The following ENOX2 variants were observed in gnomAD, a reference collection of about 807,000 sequenced individuals.
The protein encoded by ENOX2 is APK1 antigen.
A neutral mutation model predicts 45.0 loss-of-function variants in ENOX2; 36 were observed. The observed-to-expected ratio is 0.80, with a 90% CI of 0.61 to 1.06. ENOX2 has a LOEUF of 1.06. ENOX2 is among the 50% of genes least tolerant of loss of function. ENOX2 has a pLI of 0.00. For missense variants in ENOX2, 423 were observed against 462.5 expected, an observed-to-expected ratio of 0.91 and a Z score of 0.78; for synonymous variants, 174 against 152.3, an observed-to-expected ratio of 1.14 and a Z score of -1.05.
intron 3 of ENOX2, chrX:130,709,093 C>T (rs2038113313): frequency 2.3e-6 from 1 of 426,477 alleles, no homozygotes; most frequent in Admixed American, 4.0e-5. Flanking sequence ...ATGTAGCAGC[C>T]ATATTTGTTA....
intron 2 of ENOX2, among the ~76,000 whole-genome samples, chrX:130,818,637 A>T (rs1387661451): frequency 8.9e-6 from 1 of 111,920 alleles, no homozygotes; most frequent in Non-Finnish European, 1.9e-5. Context: ...TGACAAAAAC[A>T]AGCAATGGGG....
chrX:130,776,420 T>A (rs150710512), intron 3 of ENOX2, among the ~76,000 whole-genome samples: 108 of 110,995 alleles, frequency 9.7e-4, no homozygotes, highest in African/African-American at 3.2e-3. Context: ...CATGGCTTGA[T>A]GCTGTCCTTG....
At chrX:130,890,766 T>C (rs2078972335) in intron 2 of ENOX2, among the ~76,000 whole-genome samples, 1 of 112,742 alleles carries the variant, frequency 8.9e-6, no homozygotes, top group Non-Finnish European at 1.9e-5. Context: ...AACCACAGAA[T>C]GAACACTGGA....
chrX:130,777,885 T>C (rs1027443185), intron 3 of ENOX2, among the ~76,000 whole-genome samples: 3 of 112,128 alleles, frequency 2.7e-5, no homozygotes, highest in African/African-American at 9.7e-5. Context: ...TGTAATCAGA[T>C]GAAAATGTCC....
At chrX:130,697,726 C>A (rs1188161192) in intron 4 of ENOX2, among the ~76,000 whole-genome samples, 1 of 111,942 alleles carries the variant, frequency 8.9e-6, no homozygotes, top group Non-Finnish European at 1.9e-5. Flanking sequence ...AATGAATAAG[C>A]AAATAGTTTG....
At chrX:130,830,163 A>C (rs2077793591) in intron 2 of ENOX2, among the ~76,000 whole-genome samples, 2 of 111,073 alleles carry the variant, frequency 1.8e-5, no homozygotes, top group Admixed American at 9.7e-5. Flanking sequence ...AGTTGAATTC[A>C]ATTAAATTGC....
intron 2 of ENOX2, among the ~76,000 whole-genome samples, chrX:130,854,050 G>A (rs984115718): frequency 9.0e-6 from 1 of 111,559 alleles, no homozygotes; most frequent in African/African-American, 3.3e-5. Context: ...AAAAACCAGG[G>A]AAATATCAAT....
chrX:130,719,663 G>A (rs2038424757), intron 3 of ENOX2, among the ~76,000 whole-genome samples: 1 of 111,581 alleles, frequency 9.0e-6, no homozygotes, highest in Non-Finnish European at 1.9e-5. Flanking sequence ...CTGGGAATGA[G>A]TTAACACCAG....
At chrX:130,641,758 A>G (rs2036097315) in intron 10 of ENOX2, among the ~76,000 whole-genome samples, 1 of 109,909 alleles carries the variant, frequency 9.1e-6, no homozygotes, top group Non-Finnish European at 1.9e-5. Context: ...ATTATGCTAA[A>G]TCTACTCTTC....
chrX:130,770,288 A>G (rs1468326067), intron 3 of ENOX2, among the ~76,000 whole-genome samples: 1 of 112,041 alleles, frequency 8.9e-6, no homozygotes, highest in Non-Finnish European at 1.9e-5. Context: ...TAATTATAGA[A>G]TTAGGAAAAC....
chrX:130,772,246 G>A (rs925648714), intron 3 of ENOX2, among the ~76,000 whole-genome samples: 2 of 112,164 alleles, frequency 1.8e-5, no homozygotes, highest in Non-Finnish European at 3.8e-5. Context: ...AGTCCTCTCT[G>A]CACACCTAAT....
intron 3 of ENOX2, among the ~76,000 whole-genome samples, chrX:130,776,918 G>A (rs906462724): frequency 2.7e-5 from 3 of 111,814 alleles, no homozygotes; most frequent in East Asian, 5.6e-4. Flanking sequence ...TCTGTCTTGA[G>A]AACAAAGTGC....
At chrX:130,636,693 T>C (rs950873513) in intron 11 of ENOX2, among the ~76,000 whole-genome samples, 2 of 112,905 alleles carry the variant, frequency 1.8e-5, no homozygotes, top group Non-Finnish European at 3.7e-5. Flanking sequence ...GGTAAACTCA[T>C]TCACATAAGT....
Position 130,721,669 on chromosome X carries a change from C to T in ENOX2, c.-38-18415G>A, listed in dbSNP as rs752321426. Among the ~76,000 whole-genome samples, 4 of 111,780 alleles carry T rather than the reference C, an allele frequency of 3.6e-5. No homozygotes were observed. In the South Asian group the frequency reaches 1.1e-3, roughly 32 times the overall value. On this transcript the variant is annotated intron_variant, in intron 3 of 14. Coordinates refer to ENST00000394363, the MANE Select transcript of ENOX2 (RefSeq NM_006375.4). ...TCTACCACTGCACACACACACTGTCCTGGACACAGTGGGGCAGCACTGTTA... is the reference window on the plus strand; with the variant it reads ...TCTACCACTGCACACACACACTGTCTTGGACACAGTGGGGCAGCACTGTTA...
chrX:130,745,082 T>C (rs1309218217), intron 3 of ENOX2, among the ~76,000 whole-genome samples: 2 of 111,740 alleles, frequency 1.8e-5, no homozygotes, highest in Admixed American at 1.9e-4. Flanking sequence ...AACCGGTCCC[T>C]GGTGCCAAAA....
intron 6 of ENOX2, among the ~76,000 whole-genome samples, chrX:130,675,226 T>C (rs1347994686): frequency 8.9e-6 from 1 of 111,800 alleles, no homozygotes; most frequent in Non-Finnish European, 1.9e-5. Context: ...TAGTTTACAG[T>C]CCCACCAACA....
chrX:130,879,713 T>C (rs1444772368), intron 2 of ENOX2, among the ~76,000 whole-genome samples: 1 of 112,120 alleles, frequency 8.9e-6, no homozygotes, highest in Non-Finnish European at 1.9e-5. Flanking sequence ...TATCTTAGCA[T>C]AGTCCTATAG....
intron 3 of ENOX2, among the ~76,000 whole-genome samples, chrX:130,730,213 A>G (rs2038704560): frequency 8.9e-6 from 1 of 112,272 alleles, no homozygotes; most frequent in Non-Finnish European, 1.9e-5. Flanking sequence ...TGGGAAAAGG[A>G]GCATTGTTTC....
chrX:130,709,771 G>GTT (rs201175928), intron 3 of ENOX2, among the ~76,000 whole-genome samples: 1 of 106,840 alleles, frequency 9.4e-6, no homozygotes, highest in African/African-American at 3.4e-5. Flanking sequence ...ATGAATAATA[G>GTT]TTTTTTTTTT....
Sources: allele counts gnomAD v4.1 joint callset (sites outside exome capture counted in the v4.1 genomes callset), GRCh38; gene constraint gnomAD v4.1.1; transcripts MANE v1.5; gene names NCBI Gene and HGNC (gene_info 2026-07-23, HGNC 2026-07-21).